ACER3: variants seen among roughly 807,000 people sequenced by gnomAD.
ACER3 encodes the protein alkaline ceramidase 3.
A neutral mutation model predicts 48.9 loss-of-function variants in ACER3; 16 were observed. The ratio of observed to expected loss-of-function variants is 0.33; its 90% CI spans 0.22 to 0.50. The LOEUF (loss-of-function observed/expected upper bound fraction) is 0.50, where lower values mean the gene tolerates loss of function less well. Ranked by LOEUF, ACER3 falls within the 20% of genes least tolerant of loss-of-function variation. ACER3 has a pLI of 0.98. For synonymous variants in ACER3, 109 were observed against 107.8 expected (o/e 1.01, Z -0.07); for missense variants, 227 against 326.0 (o/e 0.70, Z 2.34).
intron 4 of ACER3, among the ~76,000 whole-genome samples, chr11:76,981,640 A>G (rs1362218090): frequency 6.6e-6 from 1 of 152,234 alleles, no homozygotes; most frequent in Non-Finnish European, 1.5e-5. Flanking sequence ...AAATTATACC[A>G]TATGTACTCT....
intron 1 of ACER3, among the ~76,000 whole-genome samples, chr11:76,904,452 G>A (rs991281833): frequency 3.9e-5 from 6 of 151,946 alleles, no homozygotes; most frequent in Admixed American, 2.6e-4. Context: ...CACCCTTCTG[G>A]ACTGAACCAA....
intron 1 of ACER3, chr11:76,868,185 T>C (rs1945144150): frequency 3.9e-6 from 5 of 1,289,724 alleles, no homozygotes; most frequent in South Asian, 2.5e-5. Context: ...GGCTTCTTTT[T>C]TGGTCTTGGG....
intron 1 of ACER3, among the ~76,000 whole-genome samples, chr11:76,912,339 T>C (rs1402385014): frequency 6.6e-6 from 1 of 152,156 alleles, no homozygotes; most frequent in African/African-American, 2.4e-5. Flanking sequence ...ACCTTGATTT[T>C]GAACTGTGGA....
rs12289918 is a variant in ACER3 at position 76,897,838 on chromosome 11, G to A, written c.104-28719G>A. 1.6e-3 allele frequency among the ~76,000 whole-genome samples: 245 copies of A among 152,188 alleles called. 2 individuals carry two copies. Among genetic ancestry groups the A allele is most frequent in the African/African-American group, 5.1e-3 (211 of 41,508 alleles). ...TAAAAATGTGGTTGATGAAAAAAGC[G>A]GCTAAGTTGAGCTGACATCTCAAAA... On this transcript the variant is annotated intron_variant, in intron 1 of 10. Coordinates refer to ENST00000532485, the MANE Select transcript of ACER3 (RefSeq NM_018367.7).
In ACER3 at chr11:77,019,781, G is replaced by T. The variant is rs782551328; in HGVS notation, c.750+5G>T. The T allele has an allele frequency of 2.8e-5, 45 of 1,613,428 alleles. No homozygotes were observed. The South Asian group carries it at 4.8e-4, about 17-fold the overall frequency. On this transcript the variant is annotated splice_donor_5th_base_variant and intron_variant, in intron 10 of 10. Coordinates refer to ENST00000532485, the MANE Select transcript of ACER3 (RefSeq NM_018367.7). ...AGATATAGGCCAAAAGTGAAGGTAA[G>T]TCCACTTCCTAGGTCCTGTGTGTGT...
intron 2 of ACER3, among the ~76,000 whole-genome samples, chr11:76,950,388 TATATATATATATATATATATATA>T (rs1419358301): frequency 0.014 from 402 of 28,722 alleles, 27 homozygotes; most frequent in African/African-American, 0.027. Context: ...TATATATATA[TATATATATATATATATATATATA>T]ATTTACACAT....
At chr11:76,978,501 C>T (rs951310761) in intron 4 of ACER3, 4 of 152,288 alleles carry the variant, frequency 2.6e-5, no homozygotes, top group African/African-American at 9.6e-5. Flanking sequence ...CTTTGGGTCT[C>T]CCAAGAGCTG....
chr11:76,965,394 A>C (rs1209401914), intron 3 of ACER3, among the ~76,000 whole-genome samples: 1 of 151,464 alleles, frequency 6.6e-6, no homozygotes, highest in Non-Finnish European at 1.5e-5. Flanking sequence ...GCAGGATATT[A>C]TCCAGGAGAA....
chr11:77,025,534 G>C lies in ACER3; in HGVS notation c.*5207G>C, dbSNP rs1424767012. On this transcript the variant is annotated 3_prime_UTR_variant, in exon 11 of 11. Transcript: ENST00000532485. ...AGCGATTCTCCTGCCTCAGCCTCCC[G>C]AGTAGCTGGGACTACAGGCACATGC... 6.6e-6 allele frequency: 1 copy of C among 151,582 alleles called. No individual in the cohort carries two copies. The highest frequency in any genetic ancestry group is 2.4e-5 in the African/African-American group (1 of 41,164). 9.4% of individuals were successfully genotyped at this position (151,582 alleles called of 1,614,324 possible).
chr11:76,937,462 C>T (rs946156358), intron 2 of ACER3, among the ~76,000 whole-genome samples: 2 of 152,092 alleles, frequency 1.3e-5, no homozygotes, highest in African/African-American at 4.8e-5. Context: ...TGTGAACAGA[C>T]TTACAAAAAT....
At chr11:76,877,701 C>T (rs1326356580) in intron 1 of ACER3, among the ~76,000 whole-genome samples, 5 of 152,046 alleles carry the variant, frequency 3.3e-5, no homozygotes, top group African/African-American at 1.2e-4. Flanking sequence ...GGAGGACAGT[C>T]CTTTGGTTAA....
chr11:76,954,464 TA>T (rs1378943326), intron 2 of ACER3, among the ~76,000 whole-genome samples: 1 of 152,202 alleles, frequency 6.6e-6, no homozygotes, highest in African/African-American at 2.4e-5. Flanking sequence ...AATTCTAGCT[TA>T]AATATTACTT....
chr11:76,862,548 A>G (rs1487773352), intron 1 of ACER3, among the ~76,000 whole-genome samples: 1 of 152,214 alleles, frequency 6.6e-6, no homozygotes, highest in African/African-American at 2.4e-5. Context: ...GACCACGAGG[A>G]AAGAGATGTA....
At chr11:76,915,093 C>T (rs551612887) in intron 1 of ACER3, among the ~76,000 whole-genome samples, 6 of 151,738 alleles carry the variant, frequency 4.0e-5, no homozygotes, top group African/African-American at 1.2e-4. Context: ...ATGTAAATGA[C>T]GAGTTAATGG....
At position 76,919,970 on chromosome 11, in the gene ACER3, G is replaced by A. The variant is rs1946643716; in HGVS notation, c.104-6587G>A. Among the ~76,000 whole-genome samples the A allele has an allele frequency of 2.0e-5, 3 of 152,224 alleles. No homozygotes were observed. The South Asian group carries it at 6.2e-4, about 32-fold the overall frequency. ...GAGTTCAACATTCATTGCATGGTTG[G>A]TGAAAATAGACCTGAGCCCTTTGAA... On this transcript the variant is annotated intron_variant, in intron 1 of 10. Transcript: ENST00000532485.
intron 1 of ACER3, among the ~76,000 whole-genome samples, chr11:76,867,483 AAAAAAAAAAAAAAAG>A (rs1449527585): frequency 0.052 from 6,970 of 134,218 alleles, 239 homozygotes; most frequent in Middle Eastern, 0.083. Context: ...AAAAAAAAAA[AAAAAAAAAAAAAAAG>A]AAAGAAAAGT....
intron 5 of ACER3, among the ~76,000 whole-genome samples, chr11:76,987,707 A>G (rs530712090): frequency 6.6e-6 from 1 of 152,280 alleles, no homozygotes; most frequent in South Asian, 2.1e-4. Context: ...GGAGGCCACG[A>G]TGGGAGGACT....
rs530621309 is a variant in ACER3 at position 76,988,114 on chromosome 11, G to T, written c.402+2390G>T. On this transcript the variant is annotated intron_variant, in intron 5 of 10. Coordinates refer to ENST00000532485, the MANE Select transcript of ACER3 (RefSeq NM_018367.7). The stretch of plus-strand genomic sequence containing the variant: ...TCTAGAAGTGAAAAATGGAAGAACA[G>T]TTGCCTCTGAAAGGATGAGTACAAT... Among the ~76,000 whole-genome samples the T allele has an allele frequency of 3.3e-5, 5 of 152,338 alleles. No homozygotes were observed. In the South Asian group the frequency reaches 1.0e-3, roughly 32 times the overall value.
intron 3 of ACER3, among the ~76,000 whole-genome samples, chr11:76,973,111 C>T (rs1221004736): frequency 6.6e-6 from 1 of 152,196 alleles, no homozygotes; most frequent in Non-Finnish European, 1.5e-5. Flanking sequence ...TGGAGCAGAG[C>T]AGCTGCCCAG....
Sources: gnomAD v4.1 joint callset for allele counts (sites outside exome capture counted in the v4.1 genomes callset) on GRCh38, gnomAD v4.1.1 for gene constraint, MANE v1.5 for transcripts, NCBI Gene and HGNC (gene_info 2026-07-23, HGNC 2026-07-21) for gene names.